KCNJ6: variants seen among roughly 807,000 people sequenced by gnomAD.
The protein encoded by KCNJ6 is G protein-activated inward rectifier potassium channel 2.
Under a neutral mutation model 34.2 loss-of-function variants are expected in KCNJ6, and 9 were observed. The ratio of observed to expected loss-of-function variants is 0.26; its 90% confidence interval spans 0.16 to 0.46. The LOEUF is 0.46. Among genes scored for constraint, KCNJ6 ranks in the 20% least tolerant of loss-of-function variants. The pLI is 1.00. For missense variants in KCNJ6, 236 were observed against 531.3 expected (o/e 0.44, Z 5.46); for synonymous variants, 196 against 207.1 (o/e 0.95, Z 0.46).
At chr21:37,824,621 G>C (rs1483450033) in intron 2 of KCNJ6, among the ~76,000 whole-genome samples, 1 of 152,116 alleles carries the variant, frequency 6.6e-6, no homozygotes, top group East Asian at 1.9e-4. Context: ...CCCCCAAGCT[G>C]TTCTTGTGAT....
At chr21:37,756,147 C>G (rs893134838) in intron 2 of KCNJ6, among the ~76,000 whole-genome samples, 2 of 152,156 alleles carry the variant, frequency 1.3e-5, no homozygotes, top group African/African-American at 4.8e-5. Flanking sequence ...ATTTCCCTGC[C>G]CGCCAAGCTC....
In KCNJ6 at chr21:37,619,616, T is replaced by G. The variant is rs575399881; in HGVS notation, c.*5543A>C. ...TTGTAAACTGTAGGCTAGAGAAAAC[T>G]AGCAAGAAAACAGAGGGAGACATCT... On this transcript the variant is annotated 3_prime_UTR_variant, in exon 4 of 4. Transcript: ENST00000609713. The G allele has an allele frequency of 6.6e-6, 1 of 152,326 alleles. No individual in the cohort carries two copies. Among genetic ancestry groups the G allele is most frequent in the South Asian group, 2.1e-4 (1 of 4,824 alleles). The allele number at this position is 152,326 out of a possible 1,614,324, so 9.4% of individuals were successfully genotyped here.
chr21:37,846,353 C>CTG (rs55697215), intron 1 of KCNJ6, among the ~76,000 whole-genome samples: 7,708 of 144,688 alleles, frequency 0.053, 216 homozygotes, highest in Non-Finnish European at 0.073. Context: ...CTGAGACACT[C>CTG]TGTGTGTGTG....
intron 1 of KCNJ6, among the ~76,000 whole-genome samples, chr21:37,866,076 G>T (rs1302376283): frequency 1.3e-5 from 2 of 152,200 alleles, no homozygotes; most frequent in East Asian, 3.9e-4. Context: ...ATTAAGGGGA[G>T]GTTATCGCAG....
chr21:37,821,195 C>G (rs985824416), intron 2 of KCNJ6, among the ~76,000 whole-genome samples: 1 of 152,126 alleles, frequency 6.6e-6, no homozygotes, highest in African/African-American at 2.4e-5. Flanking sequence ...TGGAAAATAA[C>G]TTTTTTATTT....
chr21:37,910,673 A>G (rs1209631199), intron 1 of KCNJ6, among the ~76,000 whole-genome samples: 1 of 152,266 alleles, frequency 6.6e-6, no homozygotes, highest in Non-Finnish European at 1.5e-5. Flanking sequence ...AAGAATCACC[A>G]GTACTGTATG....
At chr21:37,878,976 G>A (rs2055693024) in intron 1 of KCNJ6, among the ~76,000 whole-genome samples, 1 of 152,166 alleles carries the variant, frequency 6.6e-6, no homozygotes, top group Non-Finnish European at 1.5e-5. Context: ...CTTGAGGGCA[G>A]GGACCGTGTA....
Position 37,693,394 on chromosome 21 carries a change from C to T in KCNJ6, c.946+20817G>A, listed in dbSNP as rs1435219244. Among the ~76,000 whole-genome samples the T allele has an allele frequency of 2.0e-5, 3 of 152,112 alleles. No homozygotes were observed. In the East Asian group the frequency reaches 5.8e-4, roughly 29 times the overall value. On this transcript the variant is annotated intron_variant, in intron 3 of 3. Transcript: ENST00000609713. ...CTGAGTTGCAGAATGAAGGAGTATG[C>T]AGGAATGAACCACGGCGGATGAGTC...
chr21:37,882,954 ATGAG>A (rs1022865629), intron 1 of KCNJ6, among the ~76,000 whole-genome samples: 7 of 152,210 alleles, frequency 4.6e-5, no homozygotes, highest in South Asian at 2.1e-4. Flanking sequence ...GTGTGCACTC[ATGAG>A]TGATAGTGCA....
intron 3 of KCNJ6, among the ~76,000 whole-genome samples, chr21:37,645,734 C>T (rs552897328): frequency 4.9e-4 from 74 of 152,220 alleles, no homozygotes; most frequent in African/African-American, 1.8e-3. Context: ...ACCAGTGTTC[C>T]TTTGGTGGTA....
At chr21:37,876,949 T>C (rs1242785225) in intron 1 of KCNJ6, among the ~76,000 whole-genome samples, 1 of 152,224 alleles carries the variant, frequency 6.6e-6, no homozygotes, top group Non-Finnish European at 1.5e-5. Flanking sequence ...TAAATATCTG[T>C]AGCTTCACTA....
At chr21:37,740,639 T>G (rs546156629) in intron 2 of KCNJ6, among the ~76,000 whole-genome samples, 68 of 152,326 alleles carry the variant, frequency 4.5e-4, no homozygotes, top group African/African-American at 1.4e-3. Context: ...ATACATGTTC[T>G]CAGGACCTCC....
intron 3 of KCNJ6, among the ~76,000 whole-genome samples, chr21:37,647,532 G>A (rs955436500): frequency 6.6e-6 from 1 of 151,962 alleles, no homozygotes; most frequent in South Asian, 2.1e-4. Context: ...ATGGCTCCAG[G>A]GTCCATACCC....
intron 2 of KCNJ6, among the ~76,000 whole-genome samples, chr21:37,767,002 T>C (rs373563534): frequency 6.6e-5 from 10 of 152,106 alleles, no homozygotes; most frequent in Non-Finnish European, 1.3e-4. Context: ...TGTGGAAAAA[T>C]TGTCTTCCAC....
At chr21:37,808,664 C>T (rs1181877739) in intron 2 of KCNJ6, among the ~76,000 whole-genome samples, 1 of 152,194 alleles carries the variant, frequency 6.6e-6, no homozygotes. Flanking sequence ...TAAGATTATT[C>T]CATTCTCCGG....
At chr21:37,748,202 C>T (rs144723110) in intron 2 of KCNJ6, among the ~76,000 whole-genome samples, 1 of 152,316 alleles carries the variant, frequency 6.6e-6, no homozygotes, top group African/African-American at 2.4e-5. Flanking sequence ...CCCTGGACAG[C>T]AGGTGCTCAG....
chr21:37,914,008 GGTGTGTGTGTGTGTGTGTGTGT>G lies in KCNJ6; in HGVS notation c.-28+1854_-28+1875del, dbSNP rs371432862. 5.9e-3 allele frequency among the ~76,000 whole-genome samples: 796 copies of G among 135,578 alleles called. 13 individuals are homozygous for G. Among genetic ancestry groups the G allele is most frequent in the African/African-American group, 0.019 (692 of 36,338 alleles). The allele number at this position is 135,578 out of a possible 152,430, so 88.9% of individuals were successfully genotyped here. The stretch of plus-strand genomic sequence containing the variant: ...GCAACCCTCGTCAGAGGCGGATCGG[GGTGTGTGTGTGTGTGTGTGTGT>G]GTGTGTGTGTGTGTGTGTGTCTGTG... On this transcript the variant is annotated intron_variant, in intron 1 of 3. Coordinates refer to ENST00000609713, the MANE Select transcript of KCNJ6 (RefSeq NM_002240.5).
At chr21:37,875,062 G>A (rs1214511479) in intron 1 of KCNJ6, among the ~76,000 whole-genome samples, 1 of 152,164 alleles carries the variant, frequency 6.6e-6, no homozygotes, top group Non-Finnish European at 1.5e-5. Flanking sequence ...TCCGACGATT[G>A]GCGAGGTCCT....
At position 37,714,413 on chromosome 21, in the gene KCNJ6, C is replaced by T. The variant is rs370165848; in HGVS notation, c.744G>A (p.Ser248=). The change falls in exon 3 of 4, where the codon TCG becomes TCA. Residue 248 remains serine, a synonymous_variant. Coordinates refer to ENST00000609713, the MANE Select transcript of KCNJ6 (RefSeq NM_002240.5). This position sits in a 1 kb window ranked among gnomAD's most constrained non-coding sequence, Gnocchi z 5.9. ...GGTTCAACGGGATGAACTCCCCCTC[C>T]GAGGTCTGTTTGGATTTGATCAACT... ...RAKLIKSKQT[S]EGEFIPLNQT... is the part of the protein sequence containing the mutation. 1.1e-5 allele frequency: 17 copies of T among 1,614,036 alleles called. No individual in the cohort carries two copies. The highest frequency in any genetic ancestry group is 5.5e-5 in the South Asian group (5 of 91,072).
Sources: gnomAD v4.1 joint callset for allele counts (sites outside exome capture counted in the v4.1 genomes callset) on GRCh38, gnomAD v4.1.1 for gene constraint, Gnocchi (gnomAD v3.1) non-coding constraint, MANE v1.5 for transcripts, NCBI Gene and HGNC (gene_info 2026-07-23, HGNC 2026-07-21) for gene names.